Variants in RPS12 observed in about 807,000 individuals in gnomAD.
The protein encoded by RPS12 is ribosomal protein S12.
Under a neutral mutation model 17.2 loss-of-function variants are expected in RPS12, and 1 was observed. The ratio of observed to expected loss-of-function variants is 0.06; its 90% CI spans 0.02 to 0.28. RPS12 has a LOEUF of 0.28. Among genes scored for constraint, RPS12 ranks in the 10% least tolerant of loss-of-function variants. The pLI is 1.00. For synonymous variants in RPS12, 67 were observed against 54.0 expected, an observed-to-expected ratio of 1.24 and a Z score of -1.06; for missense variants, 146 against 162.1, an observed-to-expected ratio of 0.90 and a Z score of 0.54.
At chr6:132,814,697 T>G in intron 1 of RPS12, 35 bp from the exon 2 acceptor site, 1 of 1,554,480 alleles carries the variant, frequency 6.4e-7, no homozygotes, top group Non-Finnish European at 8.9e-7. Flanking sequence ...GACGAGTATC[T>G]GGTTCTTTAA....
chr6:132,815,828 C>G (rs561475153), intron 3 of RPS12: 2 of 395,204 alleles, frequency 5.1e-6, no homozygotes, highest in Non-Finnish European at 9.9e-6. Flanking sequence ...ATGCCACAGT[C>G]TTTTTTTTTT....
intron 3 of RPS12, 161 bp downstream of exon 3, chr6:132,815,249 C>G (rs535395660): frequency 5.3e-6 from 4 of 748,388 alleles, no homozygotes; most frequent in Non-Finnish European, 9.8e-6. Flanking sequence ...ATCTATAAAG[C>G]CCACTTAAAA....
chr6:132,816,798 TAGTGCTGTA>T lies in RPS12; in HGVS notation c.235-161_235-153del, dbSNP rs761529449. ...TTAGTAGCAGGCTTGTAGGTGATCT[TAGTGCTGTA>T]CATGATGACAACTGGCTCCCTCTAC... On this transcript the variant is annotated intron_variant, in intron 4 of 5. Transcript: ENST00000230050. 1.6e-5 allele frequency: 12 copies of T among 771,074 alleles called. No homozygotes were observed. The South Asian group carries it at 1.6e-4, about 10-fold the overall frequency. The allele number at this position is 771,074 out of a possible 1,614,324, so 47.8% of individuals were successfully genotyped here.
At position 132,816,717 on chromosome 6, in the gene RPS12, A is replaced by C. The variant is rs546138373; in HGVS notation, c.234+154A>C. 1.1e-4 allele frequency: 82 copies of C among 771,262 alleles called. 1 individual carries two copies. In the South Asian group the frequency reaches 1.1e-3, roughly 10 times the overall value. 47.8% of individuals were successfully genotyped at this position (771,262 alleles called of 1,614,324 possible). ...CATTTTAAAGATGATTGTAGGTAGAAGCATTTTATACCTGCAGAATTGAAT... is the reference window on the plus strand; with the variant it reads ...CATTTTAAAGATGATTGTAGGTAGACGCATTTTATACCTGCAGAATTGAAT... On this transcript the variant is annotated intron_variant, in intron 4 of 5. Coordinates refer to ENST00000230050, the MANE Select transcript of RPS12 (RefSeq NM_001016.4).
chr6:132,816,672 G>T (rs540402940), intron 4 of RPS12, 109 bp downstream of exon 4: 3 of 820,378 alleles, frequency 3.7e-6, no homozygotes, highest in South Asian at 2.7e-5. Context: ...TAAACATTAC[G>T]TGCACCTGAT....
rs1453749625 is a variant in RPS12, at chr6:132,817,049, T to C, written c.324T>C (p.Cys108=). Residue 108 remains cysteine (C), a synonymous_variant, in exon 5 of 6, where the codon TGT becomes TGC. Coordinates refer to ENST00000230050, the MANE Select transcript of RPS12 (RefSeq NM_001016.4). The part of the protein sequence containing the change: ...GKPRKVVGCS[C]VVVKDYGKES... The stretch of plus-strand genomic sequence containing the variant: ...CCCGTAAAGTGGTTGGTTGCAGTTG[T>C]GTAGTAGTTAAGGTAAGTCACCGTT... 1.2e-6 allele frequency: 2 copies of C among 1,602,482 alleles called. No individual in the cohort carries two copies. The highest frequency in any genetic ancestry group is 2.7e-5 in the African/African-American group (2 of 74,652).
At position 132,816,813 on chromosome 6, in the gene RPS12, TGAC is replaced by T. The variant is rs766503283; in HGVS notation, c.235-146_235-144del. ...TAGGTGATCTTAGTGCTGTACATGA[TGAC>T]AACTGGCTCCCTCTACTGAACTGCC... On this transcript the variant is annotated intron_variant, in intron 4 of 5. Coordinates refer to ENST00000230050, the MANE Select transcript of RPS12 (RefSeq NM_001016.4). The T allele has an allele frequency of 5.2e-6, 4 of 774,014 alleles. No individual in the cohort carries two copies. In the East Asian group the frequency reaches 7.3e-5, roughly 14 times the overall value. The allele number at this position is 774,014 out of a possible 1,614,324, so 47.9% of individuals were successfully genotyped here.
At chr6:132,817,303 C>G in intron 5 of RPS12, 177 bp from the exon 6 acceptor site, 1 of 775,928 alleles carries the variant, frequency 1.3e-6, no homozygotes, top group South Asian at 1.4e-5. Flanking sequence ...TGTTACGAGC[C>G]TTAAGGACAT....
rs775858243 is a variant in RPS12 at position 132,816,507 on chromosome 6, A to G, written c.178A>G (p.Met60Val). Residue 60 changes from methionine to valine, a missense_variant, in exon 4 of 6, where the codon ATG (methionine) becomes GTG (valine). Physicochemically the swap from Met to Val is conservative, Grantham distance 21 (BLOSUM62 1). Transcript: ENST00000230050. Reference protein sequence around the residue: ...CVLASNCDEPMYVKLVEALCA... With the variant: ...CVLASNCDEPVYVKLVEALCA... ...GCTTGCATCCAACTGTGATGAGCCT[A>G]TGTATGTCAAGTTGGTGGAGGCCCT... 22 of 1,607,230 alleles carry G rather than the reference A, an allele frequency of 1.4e-5. No homozygotes were observed. Among genetic ancestry groups the G allele is most frequent in the African/African-American group, 4.0e-5 (3 of 75,050 alleles).
rs750836576 is a variant in RPS12 at position 132,814,980 on chromosome 6, C to T, written c.23C>T (p.Ala8Val). The T allele has an allele frequency of 2.5e-6, 4 of 1,607,390 alleles. No homozygotes were observed. The highest frequency in any genetic ancestry group is 2.6e-6 in the Non-Finnish European group (3 of 1,173,934). The change falls in exon 3 of 6, where the codon GCT becomes GTT. Residue 8 changes from alanine (A) to valine (V), a missense_variant. Physicochemically the swap from Ala to Val is moderately conservative, Grantham distance 64. Around this residue, in one of 2 missense-constraint regions of RPS12, gnomAD observed 117 missense variants for 104.6 expected, o/e 1.12. Transcript: ENST00000230050. ...GATGTGTCGCGTTTAAGCATTGCTG[C>T]TGGAGGTGTAATGGACGTTAATACT... is the stretch of plus-strand genomic sequence containing the variant. MAEEGIA[A>V]GGVMDVNTAL...
At chr6:132,815,168 A>T in intron 3 of RPS12, 80 bp downstream of exon 3, 1 of 928,102 alleles carries the variant, frequency 1.1e-6, no homozygotes, top group Non-Finnish European at 1.8e-6. Context: ...CATGGAGTTC[A>T]TGGTGTTAGC....
intron 4 of RPS12, 183 bp from the exon 5 acceptor site, chr6:132,816,777 T>A: frequency 1.3e-6 from 1 of 770,148 alleles, no homozygotes; most frequent in Non-Finnish European, 2.4e-6. Flanking sequence ...CAAAGATTAG[T>A]AGCAGGCTTG....
intron 4 of RPS12, 107 bp downstream of exon 4, chr6:132,816,670 ACGTGCACCTGATACTGT>A: frequency 2.4e-6 from 2 of 825,622 alleles, no homozygotes; most frequent in Non-Finnish European, 4.2e-6. Context: ...TGTAAACATT[ACGTGCACCTGATACTGT>A]CGGCCATTTT....
chr6:132,814,676 C>T lies in RPS12; in HGVS notation c.-37-56C>T, dbSNP rs976375775. 25 of 1,420,044 alleles carry T rather than the reference C, an allele frequency of 1.8e-5. No homozygotes were observed. The East Asian group carries it at 3.9e-4, about 22-fold the overall frequency. The allele number at this position is 1,420,044 out of a possible 1,614,324, so 88.0% of individuals were successfully genotyped here. ...TAATTTGTGGCTCGTTGCGTTCTTG[C>T]TGGGATTCGTGACGAGTATCTGGTT... is the stretch of plus-strand genomic sequence containing the variant. On this transcript the variant is annotated intron_variant, in intron 1 of 5. Transcript: ENST00000230050.
rs140418021 is a variant in RPS12 at position 132,815,196 on chromosome 6, C to T, written c.131+108C>T. The T allele has an allele frequency of 2.6e-5, 20 of 777,792 alleles. No individual in the cohort carries two copies. In the East Asian group the frequency reaches 4.6e-4, roughly 18 times the overall value. The allele number at this position is 777,792 out of a possible 1,614,324, so 48.2% of individuals were successfully genotyped here. On this transcript the variant is annotated intron_variant, in intron 3 of 5. Coordinates refer to ENST00000230050, the MANE Select transcript of RPS12 (RefSeq NM_001016.4). ...GTGTTAGCGCAAAAGTTCTGAATGG[C>T]ATCCGTCCTACCGGAAACCTAGGAA... is the stretch of plus-strand genomic sequence containing the variant.
intron 5 of RPS12, 38 bp from the exon 6 acceptor site, chr6:132,817,442 T>C: frequency 7.5e-7 from 1 of 1,328,144 alleles, no homozygotes; most frequent in Non-Finnish European, 1.1e-6. Flanking sequence ...TTCCTAAATA[T>C]TAACAAGAAA....
At chr6:132,816,432 C>T (rs1465698829) in intron 3 of RPS12, 29 bp from the exon 4 acceptor site, 9 of 1,521,208 alleles carry the variant, frequency 5.9e-6, no homozygotes, top group East Asian at 2.3e-5. Context: ...TGAGTTTTAG[C>T]TCCATTTTCA....
chr6:132,817,343 A>G (rs1427298386), intron 5 of RPS12, 137 bp from the exon 6 acceptor site: 9 of 799,490 alleles, frequency 1.1e-5, no homozygotes, highest in Middle Eastern at 2.2e-4. Flanking sequence ...GAGAATGGCT[A>G]TAACAAATCT....
chr6:132,817,094 A>G (rs1326802826), intron 5 of RPS12, 33 bp downstream of exon 5: 5 of 1,265,180 alleles, frequency 4.0e-6, no homozygotes, highest in Non-Finnish European at 4.6e-6. Context: ...GATGAAGGTT[A>G]TGCTGGGTAA....
Sources: allele counts gnomAD v4.1 joint callset, GRCh38; gene constraint gnomAD v4.1.1; regional missense constraint gnomAD v4.1.1; transcripts MANE v1.5; gene names NCBI Gene and HGNC (gene_info 2026-07-23, HGNC 2026-07-21).